The following LRRC7 variants were observed in gnomAD, a reference collection of about 807,000 sequenced individuals.
LRRC7 encodes leucine-rich repeat-containing protein 7.
LRRC7 carries 23 observed loss-of-function variants against 175.7 expected under a neutral mutation model. That is an observed-to-expected ratio of 0.13 (90% CI 0.09 to 0.19). The LOEUF is 0.19. Ranked by LOEUF, LRRC7 falls within the 10% of genes least tolerant of loss-of-function variation. LRRC7 has a pLI of 1.00. For missense variants in LRRC7, 1,354 were observed against 1,904.7 expected, an observed-to-expected ratio of 0.71 and a Z score of 5.38; for synonymous variants, 685 against 680.9, an observed-to-expected ratio of 1.01 and a Z score of -0.09.
chr1:69,568,806 G>A (rs1645608681), intron 1 of LRRC7, among the ~76,000 whole-genome samples, 165 bp downstream of exon 1: 1 of 152,196 alleles, frequency 6.6e-6, no homozygotes, highest in Non-Finnish European at 1.5e-5. Flanking sequence ...GGCCGAGGGA[G>A]GCGGCGAAGA....
chr1:69,879,221 A>AC (rs1553167650), intron 7 of LRRC7, among the ~76,000 whole-genome samples: 9,162 of 135,024 alleles, frequency 0.068, 515 homozygotes, highest in East Asian at 0.16. Flanking sequence ...TTAAAAAAAA[A>AC]AAAAAAAAAA....
chr1:69,842,764 T>C (rs532627675), intron 7 of LRRC7, among the ~76,000 whole-genome samples: 1 of 152,308 alleles, frequency 6.6e-6, no homozygotes, highest in African/African-American at 2.4e-5. Flanking sequence ...AAAAGAGCTA[T>C]GGAATATAGA....
intron 26 of LRRC7, among the ~76,000 whole-genome samples, chr1:70,121,519 A>G (rs1464036779): frequency 6.6e-6 from 1 of 152,094 alleles, no homozygotes; most frequent in Admixed American, 6.6e-5. Context: ...TCACCAGTAC[A>G]TCTATCTGTT....
intron 22 of LRRC7, among the ~76,000 whole-genome samples, chr1:70,052,157 A>G (rs1660798136): frequency 1.3e-5 from 2 of 148,344 alleles, no homozygotes; most frequent in Admixed American, 6.7e-5. Context: ...CTTACACACT[A>G]GGGAAGAAAG....
chr1:69,994,684 AG>A (rs1350632755), intron 11 of LRRC7, 51 bp downstream of exon 11: 1 of 1,246,704 alleles, frequency 8.0e-7, no homozygotes, highest in Non-Finnish European at 1.2e-6. Context: ...CAGAAACTAA[AG>A]GATATATTGA....
Position 70,141,202 on chromosome 1 carries a change from G to A in LRRC7, c.*19315G>A, listed in dbSNP as rs1667048791. On this transcript the variant is annotated 3_prime_UTR_variant, in exon 27 of 27. Transcript: ENST00000651989. ...TGAGCAAGGGAGCTTCATTCAGTTG[G>A]GACAATTCAGGGTTCAGGTACGAAA... Among the ~76,000 whole-genome samples the A allele has an allele frequency of 6.6e-6, 1 of 151,966 alleles. No homozygotes were observed. The highest frequency in any genetic ancestry group is 6.6e-5 in the Admixed American group (1 of 15,220).
intron 1 of LRRC7, among the ~76,000 whole-genome samples, chr1:69,649,178 G>A (rs1655419524): frequency 6.6e-6 from 1 of 152,178 alleles, no homozygotes; most frequent in Non-Finnish European, 1.5e-5. Context: ...CCAGTTACAT[G>A]ACGTACAAGT....
intron 2 of LRRC7, among the ~76,000 whole-genome samples, chr1:69,697,675 C>T (rs1662782596): frequency 6.6e-6 from 1 of 152,210 alleles, no homozygotes; most frequent in African/African-American, 2.4e-5. Context: ...CTACAATAAA[C>T]CCCAAAGTCA....
At chr1:69,630,834 T>C (rs1166543137) in intron 1 of LRRC7, among the ~76,000 whole-genome samples, 1 of 152,080 alleles carries the variant, frequency 6.6e-6, no homozygotes, top group Non-Finnish European at 1.5e-5. Context: ...TCAAAAGAAT[T>C]AGACAAGCAA....
intron 3 of LRRC7, among the ~76,000 whole-genome samples, chr1:69,781,859 GAGAA>G (rs1195741024): frequency 2.4e-5 from 2 of 84,696 alleles, no homozygotes; most frequent in Non-Finnish European, 4.5e-5. Flanking sequence ...GAGAAAGAAA[GAGAA>G]GGAAGGAAGG....
At chr1:69,715,676 T>G (rs905292930) in intron 2 of LRRC7, among the ~76,000 whole-genome samples, 2 of 151,998 alleles carry the variant, frequency 1.3e-5, no homozygotes, top group African/African-American at 4.8e-5. Flanking sequence ...GTTTAAGGTA[T>G]AATAGCAAGA....
chr1:69,893,247 C>T (rs1286425873), intron 7 of LRRC7, among the ~76,000 whole-genome samples: 1 of 127,104 alleles, frequency 7.9e-6, no homozygotes, highest in Non-Finnish European at 1.9e-5. Context: ...TTTTATTTTT[C>T]CAACCTTTTA....
intron 8 of LRRC7, among the ~76,000 whole-genome samples, chr1:69,949,548 C>T (rs1417407749): frequency 1.3e-5 from 2 of 149,608 alleles, no homozygotes; most frequent in African/African-American, 4.9e-5. Context: ...TAGAGCAAGA[C>T]CCAGTCCCAA....
chr1:70,030,138 A>G (rs907217736), intron 18 of LRRC7, among the ~76,000 whole-genome samples: 2 of 152,096 alleles, frequency 1.3e-5, no homozygotes, highest in Non-Finnish European at 2.9e-5. Flanking sequence ...ATAAAAAAAT[A>G]CCCACTTTTT....
At chr1:69,765,295 T>A (rs578152408) in intron 3 of LRRC7, among the ~76,000 whole-genome samples, 12 of 152,116 alleles carry the variant, frequency 7.9e-5, no homozygotes, top group African/African-American at 2.4e-4. Context: ...CCAAAGACTA[T>A]GTATTAGGAA....
intron 1 of LRRC7, among the ~76,000 whole-genome samples, chr1:69,599,520 T>G (rs968260295): frequency 1.3e-5 from 2 of 152,210 alleles, no homozygotes; most frequent in African/African-American, 4.8e-5. Context: ...AAATCTATAA[T>G]AAGATCTCTG....
intron 2 of LRRC7, among the ~76,000 whole-genome samples, chr1:69,718,138 G>GAAAGAAAGAAAGAAAGAAAGAAAGAA (rs772161376): frequency 0.024 from 956 of 40,338 alleles, 20 homozygotes; most frequent in East Asian, 0.034. Context: ...AAGAAAGAAA[G>GAAAGAAAGAAAGAAAGAAAGAAAGAA]AGAGAGAAAG....
At chr1:70,101,763 G>T (rs1414499396) in intron 25 of LRRC7, among the ~76,000 whole-genome samples, 1 of 152,184 alleles carries the variant, frequency 6.6e-6, no homozygotes, top group African/African-American at 2.4e-5. Flanking sequence ...GTTTTTAAAT[G>T]AGGTGGAAAT....
At chr1:69,804,722 A>C (rs1293301502) in intron 4 of LRRC7, among the ~76,000 whole-genome samples, 1 of 151,648 alleles carries the variant, frequency 6.6e-6, no homozygotes, top group African/African-American at 2.4e-5. Flanking sequence ...ATTTTTGTCC[A>C]TGATTCCTCT....
Sources: gnomAD v4.1 joint callset for allele counts (sites outside exome capture counted in the v4.1 genomes callset) on GRCh38, gnomAD v4.1.1 for gene constraint, MANE v1.5 for transcripts, NCBI Gene and HGNC (gene_info 2026-07-23, HGNC 2026-07-21) for gene names.